Variants in HTR4 observed in about 807,000 individuals in gnomAD.
The protein encoded by HTR4 is 5-hydroxytryptamine receptor 4, also known as 5-hydroxytryptamine (serotonin) receptor 4, G protein-coupled.
In HTR4, 16 loss-of-function variants were observed where a neutral mutation model predicts 36.8. The observed-to-expected ratio is 0.43, with a 90% CI of 0.29 to 0.66. HTR4 has a LOEUF of 0.66. Among genes scored for constraint, HTR4 ranks in the 30% least tolerant of loss-of-function variants. The pLI, the probability that HTR4 is intolerant of heterozygous loss-of-function variation, is 0.13. For synonymous variants in HTR4, 189 were observed against 185.1 expected, an observed-to-expected ratio of 1.02 and a Z score of -0.17; for missense variants, 438 against 490.9, an observed-to-expected ratio of 0.89 and a Z score of 1.02.
chr5:148,638,219 A>C (rs896802328), intron 1 of HTR4, among the ~76,000 whole-genome samples: 5 of 152,310 alleles, frequency 3.3e-5, no homozygotes, highest in Admixed American at 3.3e-4. Flanking sequence ...TAAACTTAAC[A>C]GGAGCTCCCA....
At chr5:148,558,462 G>A (rs1252121857) in intron 2 of HTR4, among the ~76,000 whole-genome samples, 1 of 152,066 alleles carries the variant, frequency 6.6e-6, no homozygotes, top group Non-Finnish European at 1.5e-5. Flanking sequence ...AACACTTTGA[G>A]ATGTAAATGA....
intron 2 of HTR4, among the ~76,000 whole-genome samples, chr5:148,617,764 GC>G (rs1331286100): frequency 6.6e-6 from 1 of 152,068 alleles, no homozygotes; most frequent in Non-Finnish European, 1.5e-5. Context: ...ACGGCGCCCA[GC>G]CTAACCTAGT....
At chr5:148,620,475 T>C (rs1048446418) in intron 2 of HTR4, among the ~76,000 whole-genome samples, 10 of 152,212 alleles carry the variant, frequency 6.6e-5, no homozygotes, top group African/African-American at 1.9e-4. Context: ...CGTTTAGTTA[T>C]TTAACACCTG....
intron 2 of HTR4, among the ~76,000 whole-genome samples, chr5:148,577,556 T>A (rs1223795861): frequency 1.3e-5 from 2 of 152,046 alleles, no homozygotes; most frequent in African/African-American, 4.8e-5. Context: ...AGCAAAGACA[T>A]GGAATCAACC....
intron 5 of HTR4, chr5:148,451,345 T>C (rs1754969440): frequency 6.2e-7 from 1 of 1,606,072 alleles, no homozygotes; most frequent in African/African-American, 1.3e-5. Flanking sequence ...AGAGCACTCC[T>C]TCTACTCTTG....
At chr5:148,575,336 T>G (rs1274199172) in intron 2 of HTR4, among the ~76,000 whole-genome samples, 2 of 151,186 alleles carry the variant, frequency 1.3e-5, no homozygotes, top group African/African-American at 4.9e-5. Context: ...GTTCCTTATT[T>G]CTTTCTGCTC....
At chr5:148,635,189 A>G (rs1753487373) in intron 2 of HTR4, among the ~76,000 whole-genome samples, 1 of 152,202 alleles carries the variant, frequency 6.6e-6, no homozygotes, top group Non-Finnish European at 1.5e-5. Context: ...TTGATTTTAA[A>G]ATAAAAATAT....
At chr5:148,495,687 T>C (rs943624918) in intron 6 of HTR4, among the ~76,000 whole-genome samples, 2 of 152,222 alleles carry the variant, frequency 1.3e-5, no homozygotes, top group Admixed American at 6.5e-5. Flanking sequence ...GACTATGTAG[T>C]CATACCATGT....
At chr5:148,639,385 C>G (rs1753654717) in intron 1 of HTR4, among the ~76,000 whole-genome samples, 1 of 151,962 alleles carries the variant, frequency 6.6e-6, no homozygotes, top group African/African-American at 2.4e-5. Flanking sequence ...CCCACCAGCT[C>G]ACTGGTTTTG....
chr5:148,516,312 CTT>C (rs954784476), intron 5 of HTR4, among the ~76,000 whole-genome samples: 885 of 76,418 alleles, frequency 0.012, 2 homozygotes, highest in African/African-American at 0.019. Context: ...ATTCCCCCCT[CTT>C]TTTTTTTTTT....
At chr5:148,593,358 T>C (rs1036063198) in intron 2 of HTR4, among the ~76,000 whole-genome samples, 11 of 152,178 alleles carry the variant, frequency 7.2e-5, no homozygotes, top group Non-Finnish European at 1.5e-5. Flanking sequence ...GAACCACACA[T>C]ATTCATTACA....
chr5:148,608,564 A>G (rs1752278241), intron 2 of HTR4, among the ~76,000 whole-genome samples: 1 of 152,232 alleles, frequency 6.6e-6, no homozygotes, highest in South Asian at 2.1e-4. Context: ...CAGGGGCCAA[A>G]TCACAAAAGC....
chr5:148,468,305 C>G (rs771194623), intron 5 of HTR4, among the ~76,000 whole-genome samples: 5 of 152,188 alleles, frequency 3.3e-5, no homozygotes, highest in African/African-American at 1.2e-4. Flanking sequence ...GCTTCAAACA[C>G]CTGGATAGCT....
chr5:148,591,958 A>G lies in HTR4; in HGVS notation c.27-41696T>C, dbSNP rs143161900. Reference sequence around the variant, plus strand: ...CAATCCCATTACTGCAGCACTATTCACAATAGCAGAAGACATGGAAACAAC... The same window carrying G: ...CAATCCCATTACTGCAGCACTATTCGCAATAGCAGAAGACATGGAAACAAC... On this transcript the variant is annotated intron_variant, in intron 2 of 6. Transcript: ENST00000377888. Among the ~76,000 whole-genome samples the G allele has an allele frequency of 2.8e-4, 43 of 152,310 alleles. No homozygotes were observed. The East Asian group carries it at 5.0e-3, about 18-fold the overall frequency.
At chr5:148,549,007 A>T (rs1759540423) in intron 3 of HTR4, 139 bp from the exon 4 acceptor site, 1 of 667,804 alleles carries the variant, frequency 1.5e-6, no homozygotes, top group Non-Finnish European at 2.6e-6. Flanking sequence ...GAGGAAAGAA[A>T]AAGTCACATG....
intron 6 of HTR4, among the ~76,000 whole-genome samples, chr5:148,490,134 C>T (rs1271114547): frequency 2.0e-5 from 3 of 147,892 alleles, no homozygotes; most frequent in East Asian, 2.0e-4. Context: ...TGTATATATA[C>T]ATATACATGT....
At chr5:148,472,503 G>T (rs1581347478), downstream of HTR4, among the ~76,000 whole-genome samples, 1 of 152,104 alleles carries the variant, frequency 6.6e-6, no homozygotes, top group South Asian at 2.1e-4. Flanking sequence ...GTTGGTGTTG[G>T]TATTGTTGTT....
chr5:148,574,384 T>TCG (rs557005458), intron 2 of HTR4, among the ~76,000 whole-genome samples: 8 of 142,166 alleles, frequency 5.6e-5, no homozygotes, highest in East Asian at 2.1e-4. Context: ...TGTAAGGCTC[T>TCG]CGCGCGCTCT....
At chr5:148,475,841 C>T (rs551426925), downstream of HTR4, among the ~76,000 whole-genome samples, 18 of 152,306 alleles carry the variant, frequency 1.2e-4, no homozygotes, top group Admixed American at 9.2e-4. Flanking sequence ...AACCCACTGA[C>T]GCCTCATCAC....
Sources: allele counts gnomAD v4.1 joint callset (sites outside exome capture counted in the v4.1 genomes callset), GRCh38; gene constraint gnomAD v4.1.1; transcripts MANE v1.5; gene names NCBI Gene and HGNC (gene_info 2026-07-23, HGNC 2026-07-21).